ATG10: variants seen among roughly 807,000 people sequenced by gnomAD.
The protein encoded by ATG10 is autophagy related 10.
A neutral mutation model predicts 32.1 loss-of-function variants in ATG10; 30 were observed. The ratio of observed to expected loss-of-function variants is 0.94; its 90% CI spans 0.70 to 1.27. The LOEUF is 1.27. Ranked by LOEUF, ATG10 falls within the 50% of genes most tolerant of loss-of-function variation. The pLI is 0.00. For missense variants in ATG10, 233 were observed against 262.3 expected (o/e 0.89, Z 0.77); for synonymous variants, 87 against 91.5 (o/e 0.95, Z 0.28).
intron 2 of ATG10, among the ~76,000 whole-genome samples, chr5:82,040,586 T>C (rs1763055434): frequency 6.6e-6 from 1 of 152,240 alleles, no homozygotes; most frequent in South Asian, 2.1e-4. Context: ...AAAAATAGAT[T>C]ACAAAGTTGT....
At chr5:82,139,852 C>A (rs1483587735) in intron 3 of ATG10, among the ~76,000 whole-genome samples, 2 of 138,322 alleles carry the variant, frequency 1.4e-5, no homozygotes, top group Non-Finnish European at 3.2e-5. Flanking sequence ...GGGGGTCAGC[C>A]CCCCCACCCG....
chr5:82,042,403 G>A (rs1189929526), intron 2 of ATG10, among the ~76,000 whole-genome samples: 2 of 152,156 alleles, frequency 1.3e-5, no homozygotes, highest in African/African-American at 4.8e-5. Context: ...AATTCGACAT[G>A]AGATTTGGGC....
intron 5 of ATG10, among the ~76,000 whole-genome samples, chr5:82,196,510 T>A (rs1213446892): frequency 6.6e-6 from 1 of 152,298 alleles, no homozygotes; most frequent in East Asian, 1.9e-4. Flanking sequence ...AGTTTTATGG[T>A]TTTAGCTTTT....
At chr5:82,141,053 C>T in intron 3 of ATG10, among the ~76,000 whole-genome samples, 2 of 119,124 alleles carry the variant, frequency 1.7e-5, no homozygotes, top group South Asian at 3.2e-4. Flanking sequence ...ATCACCAATC[C>T]CTAATCTCAA....
At chr5:82,049,081 A>G (rs1453161553) in intron 2 of ATG10, among the ~76,000 whole-genome samples, 1 of 151,566 alleles carries the variant, frequency 6.6e-6, no homozygotes, top group East Asian at 1.9e-4. Flanking sequence ...TCATGCTGCT[A>G]TAAAGACACA....
chr5:82,021,627 A>C (rs1375035090), intron 2 of ATG10, among the ~76,000 whole-genome samples: 1 of 152,220 alleles, frequency 6.6e-6, no homozygotes, highest in African/African-American at 2.4e-5. Flanking sequence ...TCAAACCTGT[A>C]ATCCCAGCAC....
At chr5:82,165,020 A>G (rs1305798850) in intron 4 of ATG10, among the ~76,000 whole-genome samples, 14 of 152,332 alleles carry the variant, frequency 9.2e-5, no homozygotes, top group Non-Finnish European at 1.5e-5. Context: ...AGCCATCTAT[A>G]CATCTCCAAT....
intron 5 of ATG10, among the ~76,000 whole-genome samples, chr5:82,186,741 C>T (rs377346677): frequency 1.3e-5 from 2 of 151,898 alleles, no homozygotes; most frequent in Non-Finnish European, 2.9e-5. Context: ...TATAGTCATG[C>T]GCCACCATGC....
chr5:81,998,508 T>C (rs6452442), intron 2 of ATG10, among the ~76,000 whole-genome samples: 149,668 of 152,300 alleles, frequency 0.98, 73,584 homozygotes, highest in Middle Eastern at 1. Flanking sequence ...GCTAACAACA[T>C]GATAACATTG....
rs558184530 is a variant in ATG10, at chr5:82,151,235, A to G, written c.217-13164A>G. 5.3e-5 allele frequency among the ~76,000 whole-genome samples: 8 copies of G among 152,326 alleles called. 1 individual carries two copies. In the South Asian group the frequency reaches 1.7e-3, roughly 32 times the overall value. On this transcript the variant is annotated intron_variant, in intron 3 of 7. Coordinates refer to ENST00000282185, the MANE Select transcript of ATG10 (RefSeq NM_031482.5). ...ATTTTAATATAATTTTTATTTTAAG[A>G]GAGATGAGGTCCTGCTATATTGCCT... is the stretch of plus-strand genomic sequence containing the variant.
chr5:82,047,806 G>A (rs1763277148), intron 2 of ATG10, among the ~76,000 whole-genome samples: 1 of 152,170 alleles, frequency 6.6e-6, no homozygotes, highest in Non-Finnish European at 1.5e-5. Flanking sequence ...TAGGAATATT[G>A]TAAGAAAACT....
At chr5:82,242,039 C>T (rs900196229) in intron 5 of ATG10, among the ~76,000 whole-genome samples, 5 of 152,010 alleles carry the variant, frequency 3.3e-5, no homozygotes, top group Admixed American at 6.6e-5. Context: ...GAATTCATAA[C>T]GAGCCATTAT....
At position 82,143,396 on chromosome 5, in the gene ATG10, T is replaced by C. The variant is rs554460913; in HGVS notation, c.217-21003T>C. Reference sequence around the variant, plus strand: ...TGGGAGGATGTTGGAGACACGAGAGTGTGGAAGGTGTTCTAACTGGGAGAT... The same window carrying C: ...TGGGAGGATGTTGGAGACACGAGAGCGTGGAAGGTGTTCTAACTGGGAGAT... On this transcript the variant is annotated intron_variant, in intron 3 of 7. Transcript: ENST00000282185. Among the ~76,000 whole-genome samples, 4 of 151,582 alleles carry C rather than the reference T, an allele frequency of 2.6e-5. No homozygotes were observed. The East Asian group carries it at 7.8e-4, about 30-fold the overall frequency.
intron 1 of ATG10, among the ~76,000 whole-genome samples, chr5:81,977,863 A>G (rs1005187774): frequency 1.3e-5 from 2 of 152,244 alleles, no homozygotes; most frequent in Non-Finnish European, 2.9e-5. Context: ...ACTTGTGGAA[A>G]TAGAAGGCAC....
At chr5:82,237,995 G>A (rs1746634130) in intron 5 of ATG10, among the ~76,000 whole-genome samples, 1 of 152,224 alleles carries the variant, frequency 6.6e-6, no homozygotes, top group African/African-American at 2.4e-5. Flanking sequence ...TAAGAAAATA[G>A]TGATTAAGTT....
intron 1 of ATG10, chr5:81,976,309 T>A (rs1760875477): frequency 1.3e-5 from 2 of 152,982 alleles, no homozygotes; most frequent in South Asian, 4.1e-4. Context: ...GCGCCCGGCC[T>A]GTTGTACAGT....
At chr5:82,028,320 T>C (rs1762649444) in intron 2 of ATG10, among the ~76,000 whole-genome samples, 1 of 152,176 alleles carries the variant, frequency 6.6e-6, no homozygotes. Flanking sequence ...TGGAAAAATA[T>C]CAGTTCTTTG....
chr5:82,164,890 C>T (rs1182930211), intron 4 of ATG10, among the ~76,000 whole-genome samples: 2 of 152,202 alleles, frequency 1.3e-5, no homozygotes, highest in African/African-American at 4.8e-5. Flanking sequence ...ATTTTAATCT[C>T]AGATGATCCA....
At chr5:82,054,570 C>T (rs772713241) in intron 2 of ATG10, among the ~76,000 whole-genome samples, 20 of 152,184 alleles carry the variant, frequency 1.3e-4, no homozygotes, top group Admixed American at 1.2e-3. Context: ...TCAAGAGATC[C>T]GCTTTCCACT....
Sources: gnomAD v4.1 joint callset for allele counts (sites outside exome capture counted in the v4.1 genomes callset) on GRCh38, gnomAD v4.1.1 for gene constraint, MANE v1.5 for transcripts, NCBI Gene and HGNC (gene_info 2026-07-23, HGNC 2026-07-21) for gene names.